Variants in HCFC2 observed in about 807,000 individuals in gnomAD.
The protein encoded by HCFC2 is host cell factor 2.
A neutral mutation model predicts 89.2 loss-of-function variants in HCFC2; 18 were observed. That is an observed-to-expected ratio of 0.20 (90% confidence interval 0.14 to 0.30). The LOEUF is 0.30. Among genes scored for constraint, HCFC2 ranks in the 10% least tolerant of loss-of-function variants. The pLI is 1.00. For synonymous variants in HCFC2, 308 were observed against 335.7 expected (o/e 0.92, Z 0.90); for missense variants, 578 against 956.1 (o/e 0.60, Z 5.21).
chr12:104,078,924 T>C (rs986336654), intron 3 of HCFC2, among the ~76,000 whole-genome samples: 8 of 152,158 alleles, frequency 5.3e-5, no homozygotes, highest in African/African-American at 1.9e-4. Context: ...GCCACCCAGA[T>C]GGTAGTTTTA....
Position 104,065,446 on chromosome 12 carries a change from T to C in HCFC2, c.164-721T>C, listed in dbSNP as rs116029943. ...AAGGAAACTGGATTTAATTTTTTTT[T>C]CCCCTTGTAAATGCTCAGGCTGTCA... On this transcript the variant is annotated intron_variant, in intron 1 of 14. Coordinates refer to ENST00000229330, the MANE Select transcript of HCFC2 (RefSeq NM_013320.3). Among the ~76,000 whole-genome samples, 525 of 152,328 alleles carry C rather than the reference T, an allele frequency of 3.4e-3. 3 individuals are homozygous for C. Among genetic ancestry groups the C allele is most frequent in the African/African-American group, 8.7e-3 (363 of 41,576 alleles).
At chr12:104,084,248 AC>A (rs1383710084) in intron 7 of HCFC2, among the ~76,000 whole-genome samples, 1 of 152,210 alleles carries the variant, frequency 6.6e-6, no homozygotes, top group Non-Finnish European at 1.5e-5. Context: ...AAACAGGTTA[AC>A]AAAATAAGTT....
At chr12:104,091,993 A>C (rs1884035783) in intron 9 of HCFC2, among the ~76,000 whole-genome samples, 1 of 152,214 alleles carries the variant, frequency 6.6e-6, no homozygotes, top group African/African-American at 2.4e-5. Context: ...AAGTATCCTC[A>C]GAGCTATGAG....
chr12:104,087,731 T>G (rs1883911275), intron 8 of HCFC2, among the ~76,000 whole-genome samples: 1 of 151,990 alleles, frequency 6.6e-6, no homozygotes, highest in Non-Finnish European at 1.5e-5. Context: ...TGGCTTTAAT[T>G]TGCTTTCATA....
chr12:104,069,232 G>A (rs1164101183), intron 3 of HCFC2, among the ~76,000 whole-genome samples: 1 of 152,138 alleles, frequency 6.6e-6, no homozygotes, highest in African/African-American at 2.4e-5. Context: ...CTTGAGCCTG[G>A]GAGGTGGAGG....
At chr12:104,079,268 T>C (rs1883607611) in intron 3 of HCFC2, among the ~76,000 whole-genome samples, 177 bp from the exon 4 acceptor site, 1 of 152,194 alleles carries the variant, frequency 6.6e-6, no homozygotes, top group Non-Finnish European at 1.5e-5. Context: ...TGGTACATAG[T>C]AGTGTTTGAT....
chr12:104,101,483 CAAAA>C (rs750210384), intron 13 of HCFC2, among the ~76,000 whole-genome samples: 1 of 120,822 alleles, frequency 8.3e-6, no homozygotes. Context: ...ACTCCGTCTC[CAAAA>C]AAAAAAAAAA....
At chr12:104,092,316 A>G (rs578156034) in intron 9 of HCFC2, among the ~76,000 whole-genome samples, 7 of 152,184 alleles carry the variant, frequency 4.6e-5, no homozygotes, top group African/African-American at 1.7e-4. Flanking sequence ...ATATAGAAAA[A>G]TTAGCTGGGC....
chr12:104,102,838 A>G (rs1403893954), intron 14 of HCFC2, 121 bp from the exon 15 acceptor site: 1 of 802,314 alleles, frequency 1.2e-6, no homozygotes, highest in Admixed American at 3.0e-5. Context: ...AAGATGTAAC[A>G]TCTAATGCAA....
In HCFC2 at chr12:104,105,700, TAAGAGA is replaced by T. The variant is rs2030069966; in HGVS notation, c.*2428_*2433del. On this transcript the variant is annotated 3_prime_UTR_variant, in exon 15 of 15. Coordinates refer to ENST00000229330, the MANE Select transcript of HCFC2 (RefSeq NM_013320.3). ...CTGTGGCTTTGACATTAGTAGTTAATAAGAGATCTTAGAGCTGTGTGCTGATGAATA... is the reference window on the plus strand; with the variant it reads ...CTGTGGCTTTGACATTAGTAGTTAATTCTTAGAGCTGTGTGCTGATGAATA... 3 of 151,990 alleles carry T rather than the reference TAAGAGA, an allele frequency of 2.0e-5. No individual in the cohort carries two copies. The highest frequency in any genetic ancestry group is 4.4e-5 in the Non-Finnish European group (3 of 67,908). The allele number at this position is 151,990 out of a possible 1,614,324, so 9.4% of individuals were successfully genotyped here. A position where few individuals can be genotyped will look rare whatever the true frequency, so the allele number is the denominator to read the frequency against.
At chr12:104,087,868 T>A (rs1197183003) in intron 8 of HCFC2, 118 bp from the exon 9 acceptor site, 1 of 490,066 alleles carries the variant, frequency 2.0e-6, no homozygotes, top group African/African-American at 2.0e-5. Flanking sequence ...AGAAAACATA[T>A]AACCTTTGGT....
intron 3 of HCFC2, among the ~76,000 whole-genome samples, chr12:104,072,987 A>G (rs1051327241): frequency 2.6e-5 from 4 of 151,916 alleles, no homozygotes; most frequent in East Asian, 1.9e-4. Context: ...CATTGCTAGT[A>G]TATAGAAACA....
chr12:104,087,410 C>T (rs566697434), intron 8 of HCFC2, among the ~76,000 whole-genome samples: 45 of 133,202 alleles, frequency 3.4e-4, no homozygotes, highest in African/African-American at 1.2e-3. Context: ...TACTGCAGTA[C>T]GTGTGTGTGT....
chr12:104,091,332 G>A (rs1288340306), intron 9 of HCFC2, among the ~76,000 whole-genome samples: 1 of 152,124 alleles, frequency 6.6e-6, no homozygotes, highest in Non-Finnish European at 1.5e-5. Context: ...GGCCTCCAGC[G>A]TTTTCTTGTA....
chr12:104,085,252 AAG>A (rs1883798715), intron 7 of HCFC2, among the ~76,000 whole-genome samples: 1 of 152,206 alleles, frequency 6.6e-6, no homozygotes, highest in South Asian at 2.1e-4. Flanking sequence ...GTAATGTAAA[AAG>A]AGTTTAATTT....
intron 10 of HCFC2, among the ~76,000 whole-genome samples, chr12:104,094,917 T>C (rs993921096): frequency 2.0e-5 from 3 of 152,142 alleles, no homozygotes; most frequent in African/African-American, 7.2e-5. Flanking sequence ...TACAGGAAGA[T>C]ACATTCAGAT....
intron 3 of HCFC2, among the ~76,000 whole-genome samples, chr12:104,078,248 G>A (rs1883573347): frequency 6.6e-6 from 1 of 152,118 alleles, no homozygotes; most frequent in Non-Finnish European, 1.5e-5. Context: ...TGTTCCGCCC[G>A]CCTCAGCCTC....
rs558746951 is a variant in HCFC2, at chr12:104,089,093, C to G, written c.1284+1055C>G. Among the ~76,000 whole-genome samples the G allele has an allele frequency of 1.2e-4, 19 of 152,284 alleles. No homozygotes were observed. In the South Asian group the frequency reaches 3.5e-3, roughly 28 times the overall value. On this transcript the variant is annotated intron_variant, in intron 9 of 14. Transcript: ENST00000229330. The stretch of plus-strand genomic sequence containing the variant: ...AAGTCTCACAGTTGGCCCTGTGGAA[C>G]CTGCAAATGCGGAAACTCGACCCTC...
At chr12:104,075,194 A>AT (rs1235340291) in intron 3 of HCFC2, among the ~76,000 whole-genome samples, 7 of 50,484 alleles carry the variant, frequency 1.4e-4, no homozygotes, top group Non-Finnish European at 1.9e-4. Context: ...GTCTGTGAAA[A>AT]TAAAAAAAAA....
Sources: allele counts gnomAD v4.1 joint callset (sites outside exome capture counted in the v4.1 genomes callset), GRCh38; gene constraint gnomAD v4.1.1; transcripts MANE v1.5; gene names NCBI Gene and HGNC (gene_info 2026-07-23, HGNC 2026-07-21).